WDR27: variants seen among roughly 807,000 people sequenced by gnomAD.
WDR27 encodes the protein WD repeat-containing protein 27.
A neutral mutation model predicts 114.4 loss-of-function variants in WDR27; 100 were observed. The ratio of observed to expected loss-of-function variants is 0.87; its 90% confidence interval spans 0.74 to 1.03. WDR27 has a LOEUF of 1.03. Among genes scored for constraint, WDR27 ranks in the 50% least tolerant of loss-of-function variants. The probability of loss-of-function intolerance (pLI) is 0.00; values close to 1 mark genes in which losing one functional copy is unlikely to be tolerated. For synonymous variants in WDR27, 449 were observed against 423.1 expected, an observed-to-expected ratio of 1.06 and a Z score of -0.75; for missense variants, 1,129 against 1,092.9, an observed-to-expected ratio of 1.03 and a Z score of -0.47.
chr6:169,670,421 G>A (rs1778395889), intron 4 of WDR27, 148 bp downstream of exon 4: 2 of 801,934 alleles, frequency 2.5e-6, no homozygotes, highest in Non-Finnish European at 3.7e-6. Context: ...ATAAAGATAT[G>A]ATTTTATAAA....
At chr6:169,656,639 AGGCCCAGGAG>A (rs1375790995) in intron 13 of WDR27, among the ~76,000 whole-genome samples, 4 of 151,904 alleles carry the variant, frequency 2.6e-5, no homozygotes, top group Non-Finnish European at 2.9e-5. Flanking sequence ...GGAGCCAAGA[AGGCCCAGGAG>A]GGCCCAGGAG....
intron 21 of WDR27, among the ~76,000 whole-genome samples, chr6:169,632,428 T>A (rs1247414160): frequency 6.6e-6 from 1 of 152,226 alleles, no homozygotes; most frequent in African/African-American, 2.4e-5. Context: ...AGAGGCCCTC[T>A]TGGGTACCAA....
rs143362397 is a variant in WDR27 at position 169,533,541 on chromosome 6, C to T, written c.2645+38878G>A. On this transcript the variant is annotated intron_variant, in intron 25 of 25. Transcript: ENST00000448612. ...CAGGAGTAAGGTTTTAGTCACCCTC[C>T]TTTAATGGGTCATCTATTCCCTGTG... 2.2e-3 allele frequency among the ~76,000 whole-genome samples: 331 copies of T among 152,282 alleles called. 4 individuals carry two copies. Among genetic ancestry groups the T allele is most frequent in the African/African-American group, 7.6e-3 (316 of 41,546 alleles).
intron 25 of WDR27, among the ~76,000 whole-genome samples, chr6:169,499,281 G>A (rs1317176341): frequency 2.0e-5 from 3 of 152,230 alleles, no homozygotes; most frequent in African/African-American, 7.2e-5. Context: ...GGCTACACAC[G>A]CGGAGCTGCG....
At chr6:169,429,167 C>T in the WDR27 span, among the ~76,000 whole-genome samples, 1 of 152,192 alleles carries the variant, frequency 6.6e-6, no homozygotes, top group Non-Finnish European at 1.5e-5. Context: ...TCTGTGGCCG[C>T]ATCACACGGC....
At chr6:169,669,599 C>T (rs533101188) in intron 4 of WDR27, 1 of 152,260 alleles carries the variant, frequency 6.6e-6, no homozygotes, top group South Asian at 2.1e-4. Flanking sequence ...GGTGGGGTGG[C>T]CTAATGTTAA....
chr6:169,543,979 T>A (rs1024075812), intron 25 of WDR27, among the ~76,000 whole-genome samples: 1 of 152,192 alleles, frequency 6.6e-6, no homozygotes, highest in Non-Finnish European at 1.5e-5. Context: ...AACATCACAG[T>A]TGACCACATC....
At chr6:169,672,933 C>T (rs1223616060) in intron 2 of WDR27, among the ~76,000 whole-genome samples, 2 of 152,184 alleles carry the variant, frequency 1.3e-5, no homozygotes, top group African/African-American at 4.8e-5. Flanking sequence ...AATACAGTGA[C>T]TAGATTTGTT....
chr6:169,499,747 G>C (rs887609742), intron 25 of WDR27, among the ~76,000 whole-genome samples: 1 of 152,210 alleles, frequency 6.6e-6, no homozygotes, highest in Non-Finnish European at 1.5e-5. Context: ...GCTGATGCTG[G>C]GACCCTGCCA....
At chr6:169,638,815 C>A (rs1270475720) in intron 17 of WDR27, among the ~76,000 whole-genome samples, 155 bp from the exon 18 acceptor site, 1 of 152,266 alleles carries the variant, frequency 6.6e-6, no homozygotes, top group Non-Finnish European at 1.5e-5. Flanking sequence ...CACAGTGAGG[C>A]TGCAGAGCCT....
At chr6:169,651,580 G>A (rs1173640170) in intron 14 of WDR27, among the ~76,000 whole-genome samples, 2 of 152,096 alleles carry the variant, frequency 1.3e-5, no homozygotes, top group Non-Finnish European at 2.9e-5. Flanking sequence ...GAAGAGCACC[G>A]TGTCCGGCCT....
In WDR27 at chr6:169,552,376, G is replaced by C. The variant is rs918190300; in HGVS notation, c.2645+20043C>G. Among the ~76,000 whole-genome samples the C allele has an allele frequency of 2.0e-5, 3 of 152,270 alleles. No homozygotes were observed. In the South Asian group the frequency reaches 6.2e-4, roughly 32 times the overall value. ...CACGCTGAAACGCCAGCTCCACGAG[G>C]ACTTTCAGCCTGTTCCCGCTGCAGC... On this transcript the variant is annotated intron_variant, in intron 25 of 25. Transcript: ENST00000448612.
rs199803193 is a variant in WDR27, at chr6:169,534,775, C to CT, written c.2645+37643dup. Among the ~76,000 whole-genome samples, 350 of 150,750 alleles carry CT rather than the reference C, an allele frequency of 2.3e-3. 4 individuals carry two copies. In the East Asian group the frequency reaches 0.033, roughly 14 times the overall value. On this transcript the variant is annotated intron_variant, in intron 25 of 25. Transcript: ENST00000448612. Reference sequence around the variant, plus strand: ...CTGATTTTAGTAATTTGAGTCTTCTCTTTTTTTTTCTTGGTCAGCTCTAGC... The same window carrying CT: ...CTGATTTTAGTAATTTGAGTCTTCTCTTTTTTTTTTCTTGGTCAGCTCTAGC...
intron 23 of WDR27, among the ~76,000 whole-genome samples, chr6:169,590,523 G>C (rs537158426): frequency 1.3e-5 from 2 of 152,266 alleles, no homozygotes; most frequent in Non-Finnish European, 2.9e-5. Flanking sequence ...TACAGCAAGA[G>C]GCAGAGGCTC....
At chr6:169,549,693 A>T (rs3006180) in intron 25 of WDR27, among the ~76,000 whole-genome samples, 67,293 of 152,108 alleles carry the variant, frequency 0.44, 18,738 homozygotes, top group Non-Finnish European at 0.63. Flanking sequence ...ATCCAGCACT[A>T]AAAAGAAGTG....
chr6:169,571,809 G>A (rs1801476289), intron 25 of WDR27, among the ~76,000 whole-genome samples: 2 of 152,332 alleles, frequency 1.3e-5, no homozygotes, highest in South Asian at 4.1e-4. Context: ...CTGGACTCCA[G>A]CCTGGGTGAC....
chr6:169,511,047 G>A (rs930031261), intron 25 of WDR27, among the ~76,000 whole-genome samples: 13 of 152,170 alleles, frequency 8.5e-5, no homozygotes, highest in Non-Finnish European at 1.9e-4. Context: ...AAGCAGCAAG[G>A]TAGCCATTCC....
intron 21 of WDR27, among the ~76,000 whole-genome samples, chr6:169,627,885 C>T (rs1026011272): frequency 5.9e-5 from 9 of 152,166 alleles, no homozygotes; most frequent in Non-Finnish European, 1.2e-4. Context: ...CGAATGTCCT[C>T]GCTGAGCCTG....
chr6:169,647,559 C>G, intron 16 of WDR27: 1 of 628,794 alleles, frequency 1.6e-6, no homozygotes, highest in Non-Finnish European at 2.9e-6. Flanking sequence ...TGTGCCCACG[C>G]AGGGGTGAGA....
Sources: gnomAD v4.1 joint callset for allele counts (sites outside exome capture counted in the v4.1 genomes callset) on GRCh38, gnomAD v4.1.1 for gene constraint, MANE v1.5 for transcripts, NCBI Gene and HGNC (gene_info 2026-07-23, HGNC 2026-07-21) for gene names.